Variants in ABI3BP observed in about 807,000 individuals in gnomAD.
The protein encoded by ABI3BP is target of Nesh-SH3.
In ABI3BP, 216 loss-of-function variants were observed where a neutral mutation model predicts 268.6. The observed-to-expected ratio is 0.80, with a 90% CI of 0.72 to 0.90. ABI3BP has a LOEUF of 0.90. ABI3BP is among the 40% of genes least tolerant of loss of function. ABI3BP has a pLI of 0.00. For synonymous variants in ABI3BP, 730 were observed against 730.0 expected (o/e 1.00, Z 0.00); for missense variants, 2,090 against 2,182.4 (o/e 0.96, Z 0.84).
At chr3:100,836,988 T>C (rs373418113) in intron 27 of ABI3BP, 136 bp downstream of exon 27, 1 of 798,848 alleles carries the variant, frequency 1.3e-6, no homozygotes, top group South Asian at 1.9e-5. Flanking sequence ...AAGGCCCCTG[T>C]TGAAAATAGT....
intron 64 of ABI3BP, 126 bp from the exon 65 acceptor site, chr3:100,753,974 C>G: frequency 1.0e-6 from 1 of 982,920 alleles, no homozygotes. Flanking sequence ...TACTCTTTTG[C>G]TAAGGATTGA....
intron 1 of ABI3BP, among the ~76,000 whole-genome samples, chr3:100,975,486 C>G (rs939923079): frequency 6.6e-6 from 1 of 152,072 alleles, no homozygotes; most frequent in Non-Finnish European, 1.5e-5. Flanking sequence ...TAGTTGGTCT[C>G]TAGTCACAGT....
At chr3:100,781,423 A>G (rs1457524943) in intron 57 of ABI3BP, among the ~76,000 whole-genome samples, 1 of 152,206 alleles carries the variant, frequency 6.6e-6, no homozygotes, top group Non-Finnish European at 1.5e-5. Context: ...GGAATCATGA[A>G]TTAAACTTAT....
At chr3:100,960,613 C>T (rs2078691813) in intron 1 of ABI3BP, among the ~76,000 whole-genome samples, 1 of 152,170 alleles carries the variant, frequency 6.6e-6, no homozygotes, top group Non-Finnish European at 1.5e-5. Flanking sequence ...AAGCAGAGAA[C>T]TTTCTCTGGC....
intron 1 of ABI3BP, among the ~76,000 whole-genome samples, chr3:100,991,713 C>T (rs2092951917): frequency 6.6e-6 from 1 of 152,070 alleles, no homozygotes; most frequent in Non-Finnish European, 1.5e-5. Flanking sequence ...TTCCAAATTA[C>T]CAAAACTACA....
intron 31 of ABI3BP, among the ~76,000 whole-genome samples, chr3:100,831,902 CTGAT>C (rs1156833498): frequency 9.2e-5 from 14 of 152,302 alleles, no homozygotes; most frequent in Admixed American, 4.6e-4. Flanking sequence ...ACAGTGTAAA[CTGAT>C]TGGGAAAGAA....
chr3:100,862,707 C>T (rs1221490294), intron 13 of ABI3BP, 131 bp downstream of exon 13: 1 of 659,792 alleles, frequency 1.5e-6, no homozygotes, highest in Admixed American at 3.4e-5. Context: ...AAAAAAAAAT[C>T]AAATCAACCA....
intron 1 of ABI3BP, among the ~76,000 whole-genome samples, chr3:100,963,741 C>G (rs2153826252): frequency 6.6e-6 from 1 of 152,314 alleles, no homozygotes; most frequent in East Asian, 1.9e-4. Context: ...TTATTTCCAT[C>G]CACTTACCTG....
In ABI3BP at chr3:100,760,886, T is replaced by A. The variant is rs1205910334; in HGVS notation, c.4850+4955A>T. On this transcript the variant is annotated intron_variant, in intron 63 of 67. Transcript: ENST00000471714. Reference sequence around the variant, plus strand: ...GGTAATTGTATGGCAGAGAGGGTTTTTTTTTTAAATTTTCATTTTAGGGGT... The same window carrying A: ...GGTAATTGTATGGCAGAGAGGGTTTATTTTTTAAATTTTCATTTTAGGGGT... Among the ~76,000 whole-genome samples the A allele has an allele frequency of 2.0e-5, 3 of 152,074 alleles. No homozygotes were observed. The East Asian group carries it at 5.8e-4, about 29-fold the overall frequency.
At chr3:100,762,987 T>G (rs1218088396) in intron 63 of ABI3BP, among the ~76,000 whole-genome samples, 1 of 152,236 alleles carries the variant, frequency 6.6e-6, no homozygotes, top group East Asian at 1.9e-4. Context: ...TGAAAATTAA[T>G]GATTTTGATA....
rs1018244845 is a variant in ABI3BP, at chr3:100,825,070, A to AT, written c.2663-130dup. On this transcript the variant is annotated intron_variant, in intron 35 of 67. Coordinates refer to ENST00000471714, the MANE Select transcript of ABI3BP (RefSeq NM_001375547.2). ...TAGTTGTTTTTAGTTTTACTTTTTC[A>AT]TTCCTTTTATAACGATGCGTCATTT... 1.7e-5 allele frequency: 13 copies of AT among 750,588 alleles called. No individual in the cohort carries two copies. The African/African-American group carries it at 2.3e-4, about 13-fold the overall frequency. 46.5% of individuals were successfully genotyped at this position (750,588 alleles called of 1,614,324 possible).
chr3:100,883,975 A>G (rs1327845068), intron 6 of ABI3BP, among the ~76,000 whole-genome samples: 1 of 152,102 alleles, frequency 6.6e-6, no homozygotes, highest in African/African-American at 2.4e-5. Flanking sequence ...TATGTTTATG[A>G]AGAGCATTTG....
At position 100,841,220 on chromosome 3, in the gene ABI3BP, T is replaced by TTTTTTTTTTTGTTTTTTTG. The variant is rs1560681726; in HGVS notation, c.1766-363_1766-362insCAAAAAAACAAAAAAAAAA. Reference sequence around the variant, plus strand: ...TTTTTTTTTTTTTTTTTTTTTTTTTTTTTTTTTGCTCTTTTGAAGAAAAAG... The same window carrying TTTTTTTTTTTGTTTTTTTG: ...TTTTTTTTTTTTTTTTTTTTTTTTTTTTTTTTTTTTGTTTTTTTGTTTTTTTGCTCTTTTGAAGAAAAAG... On this transcript the variant is annotated intron_variant, in intron 21 of 67. Coordinates refer to ENST00000471714, the MANE Select transcript of ABI3BP (RefSeq NM_001375547.2). Among the ~76,000 whole-genome samples the TTTTTTTTTTTGTTTTTTTG allele has an allele frequency of 1.3e-3, 158 of 119,550 alleles. 4 individuals carry two copies. Among genetic ancestry groups the TTTTTTTTTTTGTTTTTTTG allele is most frequent in the East Asian group, 2.1e-3 (8 of 3,824 alleles). 78.4% of individuals were successfully genotyped at this position (119,550 alleles called of 152,430 possible).
At chr3:100,953,822 T>C (rs1194372518) in intron 1 of ABI3BP, among the ~76,000 whole-genome samples, 3 of 152,126 alleles carry the variant, frequency 2.0e-5, no homozygotes, top group Non-Finnish European at 4.4e-5. Flanking sequence ...AAAATAGTAG[T>C]AGCAAGAAGC....
intron 14 of ABI3BP, among the ~76,000 whole-genome samples, chr3:100,852,881 G>T (rs566539642): frequency 6.6e-6 from 1 of 152,274 alleles, no homozygotes; most frequent in African/African-American, 2.4e-5. Flanking sequence ...GCATCACAAA[G>T]TGTTCTCTTT....
chr3:100,926,269 T>C (rs1261823801), intron 2 of ABI3BP, 33 bp downstream of exon 2: 4 of 1,608,018 alleles, frequency 2.5e-6, no homozygotes, highest in Non-Finnish European at 3.4e-6. Flanking sequence ...TCTTACCTCC[T>C]TTCCTTCCCA....
At chr3:100,801,842 T>C (rs1331014051) in intron 51 of ABI3BP, among the ~76,000 whole-genome samples, 1 of 152,200 alleles carries the variant, frequency 6.6e-6, no homozygotes, top group Admixed American at 6.5e-5. Flanking sequence ...TTCTCTACCC[T>C]GCTCATCCCA....
chr3:100,871,346 C>G (rs534604036), intron 9 of ABI3BP, among the ~76,000 whole-genome samples: 2 of 152,232 alleles, frequency 1.3e-5, no homozygotes, highest in South Asian at 2.1e-4. Context: ...GAAACATGGT[C>G]TACTAAGTTG....
chr3:100,814,842 C>G (rs1016693871), intron 44 of ABI3BP, among the ~76,000 whole-genome samples: 4 of 152,072 alleles, frequency 2.6e-5, no homozygotes, highest in Non-Finnish European at 5.9e-5. Context: ...AGATACAGTC[C>G]TTATGTAGGG....
Sources: allele counts gnomAD v4.1 joint callset (sites outside exome capture counted in the v4.1 genomes callset), GRCh38; gene constraint gnomAD v4.1.1; transcripts MANE v1.5; gene names NCBI Gene and HGNC (gene_info 2026-07-23, HGNC 2026-07-21).